ARHGAP6: variants seen among roughly 807,000 people sequenced by gnomAD.
ARHGAP6 encodes the protein rho GTPase-activating protein 6.
Under a neutral mutation model 55.7 loss-of-function variants are expected in ARHGAP6, and 16 were observed. The observed-to-expected ratio is 0.29, with a 90% CI of 0.19 to 0.44. ARHGAP6 has a LOEUF of 0.44. Ranked by LOEUF, ARHGAP6 falls within the 20% of genes least tolerant of loss-of-function variation. ARHGAP6 has a pLI of 1.00. For missense variants in ARHGAP6, 698 were observed against 808.9 expected (o/e 0.86, Z 1.66); for synonymous variants, 382 against 360.9 (o/e 1.06, Z -0.66).
At chrX:11,329,137 A>G (rs184826702) in intron 1 of ARHGAP6, among the ~76,000 whole-genome samples, 1 of 112,037 alleles carries the variant, frequency 8.9e-6, no homozygotes, top group African/African-American at 3.2e-5. Context: ...TCAAACTTTA[A>G]TAATAAATTT....
intron 1 of ARHGAP6, among the ~76,000 whole-genome samples, chrX:11,566,034 G>A (rs1401785102): frequency 8.9e-6 from 1 of 112,427 alleles, no homozygotes; most frequent in Non-Finnish European, 1.9e-5. Flanking sequence ...TGACATTTGA[G>A]ATAGTGATGC....
chrX:11,174,031 T>A (rs1170210691), intron 8 of ARHGAP6, among the ~76,000 whole-genome samples: 1 of 111,834 alleles, frequency 8.9e-6, no homozygotes, highest in Non-Finnish European at 1.9e-5. Context: ...AAAATATTGG[T>A]TTTTGACCAT....
intron 8 of ARHGAP6, among the ~76,000 whole-genome samples, chrX:11,170,472 C>G (rs2046074581): frequency 1.8e-5 from 2 of 111,817 alleles, no homozygotes; most frequent in Non-Finnish European, 3.8e-5. Flanking sequence ...CTTCATGTGT[C>G]AGACCAAGGA....
chrX:11,296,968 T>TTAAG, intron 1 of ARHGAP6: 1 of 886,943 alleles, frequency 1.1e-6, no homozygotes, highest in East Asian at 3.1e-5. Context: ...GCTTCCCAGT[T>TTAAG]TAAGCTCTGA....
intron 8 of ARHGAP6, among the ~76,000 whole-genome samples, chrX:11,177,369 GC>G (rs1240093282): frequency 1.1e-5 from 1 of 92,436 alleles, no homozygotes; most frequent in Non-Finnish European, 2.2e-5. Flanking sequence ...GATTTGGTGG[GC>G]GGGGGGGGGG....
At chrX:11,317,208 C>T (rs1346453230) in intron 1 of ARHGAP6, among the ~76,000 whole-genome samples, 1 of 112,464 alleles carries the variant, frequency 8.9e-6, no homozygotes, top group African/African-American at 3.2e-5. Flanking sequence ...TTCTTCTATG[C>T]CAGAGTTACT....
At chrX:11,441,054 C>A (rs2050034292) in intron 1 of ARHGAP6, among the ~76,000 whole-genome samples, 1 of 111,618 alleles carries the variant, frequency 9.0e-6, no homozygotes, top group Admixed American at 9.5e-5. Flanking sequence ...AAAGAACAAA[C>A]CATATCTCCA....
At chrX:11,648,860 G>A (rs2052555870) in intron 1 of ARHGAP6, among the ~76,000 whole-genome samples, 1 of 111,990 alleles carries the variant, frequency 8.9e-6, no homozygotes, top group Non-Finnish European at 1.9e-5. Flanking sequence ...TGCTACAACT[G>A]TGCTGGGCAG....
intron 1 of ARHGAP6, among the ~76,000 whole-genome samples, chrX:11,600,730 G>C (rs1283671992): frequency 8.9e-6 from 1 of 112,233 alleles, no homozygotes. Context: ...TGGCAGGATT[G>C]AGCCCAGTGG....
chrX:11,418,935 C>A (rs886623005), intron 1 of ARHGAP6, among the ~76,000 whole-genome samples: 1 of 111,908 alleles, frequency 8.9e-6, no homozygotes, highest in Non-Finnish European at 1.9e-5. Flanking sequence ...CAACACCGAC[C>A]CCCCCTCCCG....
intron 2 of ARHGAP6, among the ~76,000 whole-genome samples, chrX:11,219,532 C>G (rs1253977248): frequency 1.0e-5 from 1 of 95,723 alleles, no homozygotes; most frequent in Non-Finnish European, 2.1e-5. Flanking sequence ...TATTTCTCCA[C>G]ATCCTCTCCA....
At chrX:11,540,272 GA>G (rs374291177) in intron 1 of ARHGAP6, among the ~76,000 whole-genome samples, 1,880 of 62,780 alleles carry the variant, frequency 0.03, 30 homozygotes, top group Middle Eastern at 0.13. Flanking sequence ...AAAAGGAAAA[GA>G]AAAAAAAAAA....
intron 2 of ARHGAP6, among the ~76,000 whole-genome samples, chrX:11,237,017 T>C (rs1292313128): frequency 8.9e-6 from 1 of 112,712 alleles, no homozygotes; most frequent in African/African-American, 3.2e-5. Context: ...CTCCCAGAAG[T>C]CTGGATGATG....
chrX:11,423,021 A>G (rs906119157), intron 1 of ARHGAP6, among the ~76,000 whole-genome samples: 4 of 112,405 alleles, frequency 3.6e-5, no homozygotes, highest in African/African-American at 9.7e-5. Context: ...AGAGGTGTCA[A>G]TTAAGAGGAT....
At chrX:11,588,328 G>C (rs752668305) in intron 1 of ARHGAP6, among the ~76,000 whole-genome samples, 11 of 112,376 alleles carry the variant, frequency 9.8e-5, no homozygotes, top group African/African-American at 3.6e-4. Context: ...CAGTTTAGGA[G>C]GGTGTGGCAG....
At chrX:11,509,397 T>C (rs1272284060) in intron 1 of ARHGAP6, among the ~76,000 whole-genome samples, 1 of 111,622 alleles carries the variant, frequency 9.0e-6, no homozygotes, top group Non-Finnish European at 1.9e-5. Flanking sequence ...GACAGAGATG[T>C]CTTCTTTAAG....
At chrX:11,192,485 C>G (rs2046473894) in intron 3 of ARHGAP6, among the ~76,000 whole-genome samples, 1 of 111,755 alleles carries the variant, frequency 8.9e-6, no homozygotes, top group Admixed American at 9.6e-5. Flanking sequence ...CTCTTCTTAT[C>G]CTAGAAGTAC....
intron 1 of ARHGAP6, among the ~76,000 whole-genome samples, chrX:11,573,196 CCCATTTGTCAATTTTGGCTTTTGTTG>C (rs1231065350): frequency 9.1e-6 from 1 of 110,063 alleles, no homozygotes; most frequent in Non-Finnish European, 1.9e-5. Context: ...TTAATTAGAT[CCCATTTGTCAATTTTGGCTTTTGTTG>C]CCATTGCTTT....
chrX:11,641,549 C>G (rs973099344), intron 1 of ARHGAP6, among the ~76,000 whole-genome samples: 3 of 111,439 alleles, frequency 2.7e-5, no homozygotes, highest in African/African-American at 9.8e-5. Flanking sequence ...ACAGCTCGGT[C>G]AAGTTAGCAG....
Sources: allele counts gnomAD v4.1 joint callset (sites outside exome capture counted in the v4.1 genomes callset), GRCh38; gene constraint gnomAD v4.1.1; transcripts MANE v1.5; gene names NCBI Gene and HGNC (gene_info 2026-07-23, HGNC 2026-07-21).